Variants in ADGRB3 observed in about 807,000 individuals in gnomAD.
ADGRB3 encodes the protein adhesion G protein-coupled receptor B3.
ADGRB3 carries 37 observed loss-of-function variants against 193.4 expected under a neutral mutation model. The ratio of observed to expected loss-of-function variants is 0.19; its 90% CI spans 0.15 to 0.25. ADGRB3 has a LOEUF of 0.25. Among genes scored for constraint, ADGRB3 ranks in the 10% least tolerant of loss-of-function variants. The pLI, the probability that ADGRB3 is intolerant of heterozygous loss-of-function variation, is 1.00. For missense variants in ADGRB3, 1,637 were observed against 1,852.9 expected (o/e 0.88, Z 2.14); for synonymous variants, 690 against 644.2 (o/e 1.07, Z -1.08).
At chr6:68,787,952 A>G (rs560256495) in intron 3 of ADGRB3, among the ~76,000 whole-genome samples, 81 of 152,222 alleles carry the variant, frequency 5.3e-4, no homozygotes, top group African/African-American at 1.7e-3. Context: ...AGAGGTGTTT[A>G]TAGTATTCTC....
chr6:69,229,316 A>G (rs1766085624), intron 17 of ADGRB3, among the ~76,000 whole-genome samples: 1 of 152,178 alleles, frequency 6.6e-6, no homozygotes, highest in Non-Finnish European at 1.5e-5. Flanking sequence ...TGGGTAAGGC[A>G]TATGCACCAA....
intron 13 of ADGRB3, among the ~76,000 whole-genome samples, chr6:69,020,004 A>T (rs1030949424): frequency 6.6e-6 from 1 of 152,022 alleles, no homozygotes; most frequent in Non-Finnish European, 1.5e-5. Flanking sequence ...ACGTGGAAGG[A>T]ATCTAGCAAG....
chr6:68,972,356 C>A (rs765198396), intron 8 of ADGRB3, among the ~76,000 whole-genome samples: 2 of 152,172 alleles, frequency 1.3e-5, no homozygotes, highest in East Asian at 3.9e-4. Flanking sequence ...CAGCACAGCT[C>A]TCCTGCCCCA....
chr6:69,302,636 G>A (rs1376362661), intron 20 of ADGRB3, among the ~76,000 whole-genome samples: 1 of 151,888 alleles, frequency 6.6e-6, no homozygotes, highest in African/African-American at 2.4e-5. Context: ...CTATGGAAAG[G>A]ATTTCAACAT....
intron 3 of ADGRB3, among the ~76,000 whole-genome samples, chr6:68,653,604 T>C (rs912610583): frequency 3.3e-5 from 5 of 152,064 alleles, no homozygotes; most frequent in African/African-American, 7.2e-5. Flanking sequence ...TAATAAATAC[T>C]AAAATAAGTA....
At chr6:68,828,091 A>C (rs1767879678) in intron 3 of ADGRB3, among the ~76,000 whole-genome samples, 1 of 152,180 alleles carries the variant, frequency 6.6e-6, no homozygotes, top group East Asian at 1.9e-4. Flanking sequence ...CGTGACATTC[A>C]TTGTTTTATG....
At chr6:69,377,712 C>T (rs1470460481) in intron 30 of ADGRB3, among the ~76,000 whole-genome samples, 1 of 152,052 alleles carries the variant, frequency 6.6e-6, no homozygotes, top group East Asian at 1.9e-4. Context: ...ATTTCAGCTT[C>T]TAAAAGTCTG....
chr6:68,884,051 G>A (rs759758940), intron 3 of ADGRB3, among the ~76,000 whole-genome samples: 19 of 152,184 alleles, frequency 1.2e-4, no homozygotes, highest in Non-Finnish European at 2.1e-4. Flanking sequence ...AGAGTGCTTT[G>A]TTTGGCACTA....
intron 11 of ADGRB3, among the ~76,000 whole-genome samples, chr6:69,009,798 T>C (rs1412688739): frequency 6.6e-6 from 1 of 152,100 alleles, no homozygotes; most frequent in East Asian, 1.9e-4. Flanking sequence ...TCCAACCACT[T>C]TGCTACTGGT....
intron 3 of ADGRB3, among the ~76,000 whole-genome samples, chr6:68,689,052 C>A (rs1296856599): frequency 6.6e-6 from 1 of 151,934 alleles, no homozygotes; most frequent in Non-Finnish European, 1.5e-5. Flanking sequence ...TTAACTCTGA[C>A]CATACGTCTG....
At chr6:69,356,417 T>C (rs994930113) in intron 28 of ADGRB3, among the ~76,000 whole-genome samples, 4 of 152,146 alleles carry the variant, frequency 2.6e-5, no homozygotes, top group African/African-American at 9.7e-5. Context: ...ACTGTCTCCA[T>C]ATTTATGTGT....
At chr6:68,804,262 T>C (rs1767363201) in intron 3 of ADGRB3, among the ~76,000 whole-genome samples, 1 of 152,228 alleles carries the variant, frequency 6.6e-6, no homozygotes, top group Non-Finnish European at 1.5e-5. Context: ...CCTCTGTCTG[T>C]AATGCTTTTT....
intron 3 of ADGRB3, among the ~76,000 whole-genome samples, chr6:68,918,867 T>G (rs1766950580): frequency 6.6e-6 from 1 of 152,172 alleles, no homozygotes; most frequent in East Asian, 1.9e-4. Flanking sequence ...AAAAGTTGGA[T>G]GGAGTAGAGA....
chr6:69,280,061 A>G (rs983959141), intron 20 of ADGRB3, among the ~76,000 whole-genome samples: 3 of 152,162 alleles, frequency 2.0e-5, no homozygotes, highest in Non-Finnish European at 2.9e-5. Flanking sequence ...TACATTCCTC[A>G]AAAGAGAGCT....
rs530800092 is a variant in ADGRB3, at chr6:69,329,431, C to A, written c.3036-1075C>A. 1.8e-4 allele frequency among the ~76,000 whole-genome samples: 28 copies of A among 152,148 alleles called. No individual in the cohort carries two copies. In the South Asian group the frequency reaches 2.3e-3, roughly 12 times the overall value. On this transcript the variant is annotated intron_variant, in intron 22 of 31. Coordinates refer to ENST00000370598, the MANE Select transcript of ADGRB3 (RefSeq NM_001704.3). Reference sequence around the variant, plus strand: ...ATCTCTTTGTGTACATATATAATTACCTTACATACTAGGTAAATATGTTTA... The same window carrying A: ...ATCTCTTTGTGTACATATATAATTAACTTACATACTAGGTAAATATGTTTA...
intron 26 of ADGRB3, among the ~76,000 whole-genome samples, chr6:69,348,493 CAAAAAAA>C (rs5877205): frequency 8.7e-6 from 1 of 114,860 alleles, no homozygotes; most frequent in African/African-American, 3.2e-5. Flanking sequence ...CTAAAAAATG[CAAAAAAA>C]AAAAAAAAAA....
In ADGRB3 at chr6:69,307,694, C is replaced by T. The variant is rs141237533; in HGVS notation, c.2815-17178C>T. Among the ~76,000 whole-genome samples, 166 of 151,228 alleles carry T rather than the reference C, an allele frequency of 1.1e-3. 6 individuals are homozygous for T. The highest frequency in any genetic ancestry group is 3.9e-3 in the African/African-American group (162 of 41,094). On this transcript the variant is annotated intron_variant, in intron 20 of 31. Transcript: ENST00000370598. ...GGTAGGACTTTTTTTTTCTCCTGAG[C>T]CCTCCCATGTCTTGGGTTCAAGATC...
intron 31 of ADGRB3, among the ~76,000 whole-genome samples, chr6:69,385,077 C>A (rs900523195): frequency 1.3e-5 from 2 of 151,352 alleles, no homozygotes; most frequent in African/African-American, 4.9e-5. Context: ...ACCATTTAGT[C>A]CATTTCCTTG....
In ADGRB3 at chr6:69,377,518, AAAG is replaced by A. The variant is rs539561092; in HGVS notation, c.4275+5086_4275+5088del. On this transcript the variant is annotated intron_variant, in intron 30 of 31. Transcript: ENST00000370598. ...CCATAAAGGACTCATGCAAACCAGT[AAAG>A]AAGAAGAACCACAGGTTCATCTTAG... 3.2e-3 allele frequency among the ~76,000 whole-genome samples: 488 copies of A among 152,172 alleles called. 4 individuals are homozygous for A. Among genetic ancestry groups the A allele is most frequent in the African/African-American group, 6.4e-3 (265 of 41,564 alleles).
Sources: allele counts gnomAD v4.1 joint callset (sites outside exome capture counted in the v4.1 genomes callset), GRCh38; gene constraint gnomAD v4.1.1; transcripts MANE v1.5; gene names NCBI Gene and HGNC (gene_info 2026-07-23, HGNC 2026-07-21).